The following SLC22A15 variants were observed in gnomAD, a reference collection of about 807,000 sequenced individuals.
The protein encoded by SLC22A15 is flipt 1.
A neutral mutation model predicts 62.7 loss-of-function variants in SLC22A15; 45 were observed. The ratio of observed to expected loss-of-function variants is 0.72; its 90% confidence interval spans 0.56 to 0.92. SLC22A15 has a LOEUF of 0.92. Ranked by LOEUF, SLC22A15 falls within the 40% of genes least tolerant of loss-of-function variation. The pLI is 0.00. For synonymous variants in SLC22A15, 264 were observed against 267.0 expected (o/e 0.99, Z 0.11); for missense variants, 622 against 665.6 (o/e 0.93, Z 0.72).
In SLC22A15 at chr1:116,031,357, C is replaced by T. The variant is rs1657383889; in HGVS notation, c.729-9C>T. 6.2e-7 allele frequency: 1 copy of T among 1,607,080 alleles called. No individual in the cohort carries two copies. Among genetic ancestry groups the T allele is most frequent in the Non-Finnish European group, 8.5e-7 (1 of 1,175,424 alleles). ...ATGAATATACAGGCTTTAATGACATCTCTTTCAGATTCATTCCTGAATCAC... is the reference window on the plus strand; with the variant it reads ...ATGAATATACAGGCTTTAATGACATTTCTTTCAGATTCATTCCTGAATCAC... On this transcript the variant is annotated splice_polypyrimidine_tract_variant and intron_variant, in intron 5 of 11. Coordinates refer to ENST00000369503, the MANE Select transcript of SLC22A15 (RefSeq NM_018420.3).
rs1658553739 is a variant in SLC22A15 at position 116,068,831 on chromosome 1, A to G, written c.*1723A>G. ...AGGAAGAGAGGAAGAACTTACAAAGACACTTAAAAGTTATTCTTAAATGGT... is the reference window on the plus strand; with the variant it reads ...AGGAAGAGAGGAAGAACTTACAAAGGCACTTAAAAGTTATTCTTAAATGGT... On this transcript the variant is annotated 3_prime_UTR_variant, in exon 12 of 12. Transcript: ENST00000369503. The G allele has an allele frequency of 6.6e-6, 1 of 152,190 alleles. No individual in the cohort carries two copies. The allele number at this position is 152,190 out of a possible 1,614,324, so 9.4% of individuals were successfully genotyped here.
chr1:116,019,729 T>A lies in SLC22A15; in HGVS notation c.433+15T>A, dbSNP rs372316359. 18 of 1,601,172 alleles carry A rather than the reference T, an allele frequency of 1.1e-5. No individual in the cohort carries two copies. The African/African-American group carries it at 1.6e-4, about 14-fold the overall frequency. ...CTATCTCACAGGTAATCTATTAGAG[T>A]ATTCATAAACTGGATGAGAGGGCTT... On this transcript the variant is annotated intron_variant, in intron 3 of 11. Transcript: ENST00000369503.
rs550797410 is a variant in SLC22A15, at chr1:116,016,068, TTC to T, written c.301-3510_301-3509del. On this transcript the variant is annotated intron_variant, in intron 2 of 11. Transcript: ENST00000369503. ...TAATCTCTTTTATATGAAACTTTCT[TTC>T]TCTTTCTTTTTCTTTTCTTTTCTTT... is the stretch of plus-strand genomic sequence containing the variant. 5.3e-5 allele frequency among the ~76,000 whole-genome samples: 8 copies of T among 152,168 alleles called. No homozygotes were observed. In the East Asian group the frequency reaches 1.5e-3, roughly 29 times the overall value.
chr1:115,993,803 C>T (rs533390571), intron 2 of SLC22A15, among the ~76,000 whole-genome samples: 1 of 152,252 alleles, frequency 6.6e-6, no homozygotes, highest in Non-Finnish European at 1.5e-5. Flanking sequence ...GTAGCTTGGT[C>T]CAGGTGTACT....
intron 1 of SLC22A15, among the ~76,000 whole-genome samples, chr1:115,986,630 A>G (rs1654877621): frequency 6.6e-6 from 1 of 152,162 alleles, no homozygotes; most frequent in African/African-American, 2.4e-5. Flanking sequence ...AAGAGGGAAT[A>G]ACTTATGCCC....
At chr1:115,984,247 T>C (rs948160509) in intron 1 of SLC22A15, among the ~76,000 whole-genome samples, 2 of 152,218 alleles carry the variant, frequency 1.3e-5, no homozygotes, top group East Asian at 1.9e-4. Context: ...CTGACTCTGA[T>C]TGGGCTATTG....
intron 8 of SLC22A15, among the ~76,000 whole-genome samples, chr1:116,061,522 G>T (rs767738562): frequency 2.6e-5 from 4 of 152,138 alleles, no homozygotes; most frequent in Non-Finnish European, 5.9e-5. Flanking sequence ...GCCAGGACAG[G>T]TGCATTGGAG....
At chr1:115,987,719 C>T (rs1654941299) in intron 1 of SLC22A15, among the ~76,000 whole-genome samples, 1 of 152,090 alleles carries the variant, frequency 6.6e-6, no homozygotes, top group Non-Finnish European at 1.5e-5. Context: ...AAGGTAATGG[C>T]AACAATAAAA....
At chr1:115,988,520 G>A (rs2101076942) in intron 1 of SLC22A15, among the ~76,000 whole-genome samples, 1 of 152,094 alleles carries the variant, frequency 6.6e-6, no homozygotes, top group Admixed American at 6.6e-5. Flanking sequence ...AGTGACTGCA[G>A]AATAGAGGAT....
chr1:115,987,310 C>T (rs1020525111), intron 1 of SLC22A15, among the ~76,000 whole-genome samples: 4 of 151,904 alleles, frequency 2.6e-5, no homozygotes, highest in African/African-American at 7.3e-5. Flanking sequence ...GGACTACAGG[C>T]GCCTGCCACC....
At chr1:116,002,048 T>G (rs1257659485) in intron 2 of SLC22A15, among the ~76,000 whole-genome samples, 1 of 152,216 alleles carries the variant, frequency 6.6e-6, no homozygotes, top group South Asian at 2.1e-4. Context: ...CAGCCATAAG[T>G]GCATGAGATA....
chr1:115,993,982 T>C (rs1557875148), intron 2 of SLC22A15, among the ~76,000 whole-genome samples: 1 of 152,162 alleles, frequency 6.6e-6, no homozygotes, highest in Non-Finnish European at 1.5e-5. Flanking sequence ...AAGGCTCACT[T>C]TCAGTGTCAC....
At chr1:115,991,221 G>A (rs1192839748) in intron 1 of SLC22A15, among the ~76,000 whole-genome samples, 1 of 152,186 alleles carries the variant, frequency 6.6e-6, no homozygotes, top group African/African-American at 2.4e-5. Flanking sequence ...AATAGGGCTT[G>A]ACTTATAAAC....
At chr1:116,060,283 C>A (rs1658346740) in intron 8 of SLC22A15, among the ~76,000 whole-genome samples, 1 of 152,188 alleles carries the variant, frequency 6.6e-6, no homozygotes, top group Non-Finnish European at 1.5e-5. Context: ...CAACTGCAGA[C>A]CCCATTGGCA....
At chr1:116,047,857 T>G (rs1657967185) in intron 8 of SLC22A15, among the ~76,000 whole-genome samples, 1 of 152,066 alleles carries the variant, frequency 6.6e-6, no homozygotes, top group African/African-American at 2.4e-5. Context: ...GGGAGAAATA[T>G]TCAAGGAAAT....
At chr1:116,003,570 T>G (rs1655839216) in intron 2 of SLC22A15, among the ~76,000 whole-genome samples, 1 of 152,226 alleles carries the variant, frequency 6.6e-6, no homozygotes, top group Admixed American at 6.5e-5. Flanking sequence ...CCAGCTGAAT[T>G]CTGCCCTGTG....
At chr1:116,059,996 T>G (rs1316530052) in intron 8 of SLC22A15, among the ~76,000 whole-genome samples, 1 of 152,236 alleles carries the variant, frequency 6.6e-6, no homozygotes, top group Non-Finnish European at 1.5e-5. Context: ...AAAGATAGTT[T>G]AGTTTTGCTT....
At chr1:115,979,363 A>G (rs1654480200) in intron 1 of SLC22A15, among the ~76,000 whole-genome samples, 1 of 152,248 alleles carries the variant, frequency 6.6e-6, no homozygotes, top group Non-Finnish European at 1.5e-5. Context: ...TGAGATAACT[A>G]AAGAACAGAT....
At chr1:116,045,459 C>T (rs528453649) in intron 8 of SLC22A15, among the ~76,000 whole-genome samples, 68 of 151,878 alleles carry the variant, frequency 4.5e-4, no homozygotes, top group Admixed American at 2.2e-3. Flanking sequence ...TTACAATAGG[C>T]TGGGCATGGT....
Sources: gnomAD v4.1 joint callset for allele counts (sites outside exome capture counted in the v4.1 genomes callset) on GRCh38, gnomAD v4.1.1 for gene constraint, MANE v1.5 for transcripts, NCBI Gene and HGNC (gene_info 2026-07-23, HGNC 2026-07-21) for gene names.